Variants in F11R observed in about 807,000 individuals in gnomAD.
F11R encodes the protein F11 receptor.
In F11R, 27 loss-of-function variants were observed where a neutral mutation model predicts 39.3. The ratio of observed to expected loss-of-function variants is 0.69; its 90% CI spans 0.51 to 0.95. The LOEUF (loss-of-function observed/expected upper bound fraction) is 0.95. F11R is among the 40% of genes least tolerant of loss of function. F11R has a pLI of 0.00. For synonymous variants in F11R, 131 were observed against 144.9 expected (o/e 0.90, Z 0.69); for missense variants, 335 against 372.7 (o/e 0.90, Z 0.83).
rs774316463 is a variant in F11R at position 161,001,344 on chromosome 1, G to A, written c.74C>T (p.Ala25Val). The A allele has an allele frequency of 6.2e-7, 1 of 1,613,768 alleles. No homozygotes were observed. The highest frequency in any genetic ancestry group is 1.7e-5 in the Admixed American group (1 of 59,990). Reference protein sequence around the residue: ...FILAILLCSLALGSVTVHSSE... With the variant: ...FILAILLCSLVLGSVTVHSSE... ...AGAGTGCACTGTAACACTGCCCAAT[G>A]CCAGGGAGCCTAAGGAGAAAGAAAG... is the stretch of plus-strand genomic sequence containing the variant. The change falls in exon 2 of 10, where the codon GCA (alanine) becomes GTA (valine). Residue 25 changes from alanine to valine, a missense_variant. Coordinates refer to ENST00000368026, the MANE Select transcript of F11R (RefSeq NM_016946.6).
intron 1 of F11R, among the ~76,000 whole-genome samples, chr1:161,014,078 G>A (rs1262493535): frequency 6.6e-6 from 1 of 152,176 alleles, no homozygotes; most frequent in Non-Finnish European, 1.5e-5. Context: ...CTCACAGTAT[G>A]TGTTCACTCA....
rs934419546 is a variant in F11R, at chr1:161,009,705, C to G, written c.65-8352G>C. On this transcript the variant is annotated intron_variant, in intron 1 of 9. Transcript: ENST00000368026. ...CCCATGGGCCGGGTGCGGTGGCTCACGCCTATAATCCCAGCACTTTGGGAG... is the reference window on the plus strand; with the variant it reads ...CCCATGGGCCGGGTGCGGTGGCTCAGGCCTATAATCCCAGCACTTTGGGAG... Among the ~76,000 whole-genome samples, 3 of 151,978 alleles carry G rather than the reference C, an allele frequency of 2.0e-5. No individual in the cohort carries two copies. The South Asian group carries it at 6.2e-4, about 32-fold the overall frequency.
In F11R at chr1:160,997,985, TG is replaced by T. The variant is rs1412962131; in HGVS notation, c.*885del. On this transcript the variant is annotated 3_prime_UTR_variant, in exon 10 of 10. Transcript: ENST00000368026. ...CTTTTCTTTCTTTTTTTTTTTGAGCTGGAGTTTTGCTCTTGTTGCCAGGCTC... is the reference window on the plus strand; with the variant it reads ...CTTTTCTTTCTTTTTTTTTTTGAGCTGAGTTTTGCTCTTGTTGCCAGGCTC... The T allele has an allele frequency of 6.6e-6, 1 of 151,424 alleles. No individual in the cohort carries two copies. The highest frequency in any genetic ancestry group is 1.9e-4 in the East Asian group (1 of 5,252). The allele number at this position is 151,424 out of a possible 1,614,324, so 9.4% of individuals were successfully genotyped here. A position where few individuals can be genotyped will look rare whatever the true frequency, so the allele number is the denominator to read the frequency against.
chr1:161,000,784 CA>C lies in F11R; in HGVS notation c.242-8del. On this transcript the variant is annotated splice_polypyrimidine_tract_variant and splice_region_variant and intron_variant, in intron 3 of 9. Transcript: ENST00000368026. ...ACCCGGTCCTCATAGGAAGCTACCACAAGAGGAGGCAAGAGCAAGGACAGAG... is the reference window on the plus strand; with the variant it reads ...ACCCGGTCCTCATAGGAAGCTACCACAGAGGAGGCAAGAGCAAGGACAGAG... The C allele has an allele frequency of 6.2e-7, 1 of 1,614,088 alleles. No individual in the cohort carries two copies. The highest frequency in any genetic ancestry group is 8.5e-7 in the Non-Finnish European group (1 of 1,179,990).
intron 1 of F11R, among the ~76,000 whole-genome samples, chr1:161,002,038 G>A (rs1360993640): frequency 6.6e-6 from 1 of 151,996 alleles, no homozygotes; most frequent in Non-Finnish European, 1.5e-5. Flanking sequence ...GGCCGAGGTG[G>A]GGAGGTCATG....
At chr1:161,020,545 A>G (rs1649701872) in intron 1 of F11R, among the ~76,000 whole-genome samples, 1 of 152,206 alleles carries the variant, frequency 6.6e-6, no homozygotes. Flanking sequence ...TCCACCCCAG[A>G]CCACCTCCAT....
intron 1 of F11R, among the ~76,000 whole-genome samples, chr1:161,006,861 C>T (rs894902793): frequency 1.3e-5 from 2 of 152,210 alleles, no homozygotes; most frequent in African/African-American, 2.4e-5. Flanking sequence ...ACCAGACTGC[C>T]TGCGTTCAAA....
chr1:161,000,295 G>A lies in F11R; in HGVS notation c.442C>T (p.Arg148Trp), dbSNP rs200461325. 99 of 1,614,024 alleles carry A rather than the reference G, an allele frequency of 6.1e-5. No individual in the cohort carries two copies. Among genetic ancestry groups the A allele is most frequent in the Non-Finnish European group, 7.9e-5 (93 of 1,180,038 alleles). Reference protein sequence around the residue: ...NIPSSATIGNRAVLTCSEQDG... With the variant: ...NIPSSATIGNWAVLTCSEQDG... ...TGTTCTGAGCATGTCAGCACTGCCCGGTTCCCAATGGTGGCAGAGGAGGGG... is the reference window on the plus strand; with the variant it reads ...TGTTCTGAGCATGTCAGCACTGCCCAGTTCCCAATGGTGGCAGAGGAGGGG... Residue 148 changes from arginine to tryptophan, a missense_variant, in exon 5 of 10, where the codon CGG (arginine) becomes TGG (tryptophan). Arg to Trp is a moderately radical substitution (Grantham distance 101). Coordinates refer to ENST00000368026, the MANE Select transcript of F11R (RefSeq NM_016946.6).
chr1:160,996,148 G>A lies in F11R; in HGVS notation c.*2723C>T, dbSNP rs1648104088. ...ATATTTTGAATGTCCAATCACTCTA[G>A]GAGTCCCAATTCTCTTAAGGTAAGA... is the stretch of plus-strand genomic sequence containing the variant. On this transcript the variant is annotated 3_prime_UTR_variant, in exon 10 of 10. Transcript: ENST00000368026. The A allele has an allele frequency of 6.6e-6, 1 of 152,210 alleles. No homozygotes were observed. Among genetic ancestry groups the A allele is most frequent in the Non-Finnish European group, 1.5e-5 (1 of 67,986 alleles). 9.4% of individuals were successfully genotyped at this position (152,210 alleles called of 1,614,324 possible).
intron 1 of F11R, among the ~76,000 whole-genome samples, chr1:161,012,817 G>T (rs957790419): frequency 2.0e-5 from 3 of 151,666 alleles, no homozygotes; most frequent in Non-Finnish European, 2.9e-5. Flanking sequence ...TAGAAACAGG[G>T]TTTCACCATG....
chr1:161,010,889 G>C (rs1649114097), intron 1 of F11R, among the ~76,000 whole-genome samples: 1 of 148,778 alleles, frequency 6.7e-6, no homozygotes, highest in Non-Finnish European at 1.5e-5. Flanking sequence ...GTAGGCTGAG[G>C]CTTGAACCTG....
At chr1:161,000,968 A>G in intron 3 of F11R, 52 bp downstream of exon 3, 3 of 1,546,272 alleles carry the variant, frequency 1.9e-6, no homozygotes, top group South Asian at 2.2e-5. Context: ...GAATCCAGGC[A>G]TGATAATCCC....
intron 1 of F11R, among the ~76,000 whole-genome samples, chr1:161,007,360 G>A (rs1348782988): frequency 6.6e-6 from 1 of 151,612 alleles, no homozygotes; most frequent in Non-Finnish European, 1.5e-5. Flanking sequence ...AGCTACTCAG[G>A]AGGCTGAGGC....
chr1:161,010,447 A>AAAAAAAAC lies in F11R; in HGVS notation c.65-9095_65-9094insGTTTTTTT, dbSNP rs892055398. Among the ~76,000 whole-genome samples, 13 of 151,194 alleles carry AAAAAAAAC rather than the reference A, an allele frequency of 8.6e-5. 1 individual carries two copies. In the East Asian group the frequency reaches 2.3e-3, roughly 27 times the overall value. On this transcript the variant is annotated intron_variant, in intron 1 of 9. Transcript: ENST00000368026. The stretch of plus-strand genomic sequence containing the variant: ...TGACAGAGCGAGACTCCATCAAAAA[A>AAAAAAAAC]AAAAAAAAAACAGTTGATCCAAACC...
chr1:160,995,698 G>C lies in F11R; in HGVS notation c.*3173C>G, dbSNP rs981617969. 126 of 152,284 alleles carry C rather than the reference G, an allele frequency of 8.3e-4. No individual in the cohort carries two copies. Among genetic ancestry groups the C allele is most frequent in the African/African-American group, 3.0e-3 (124 of 41,504 alleles). The allele number at this position is 152,284 out of a possible 1,614,324, so 9.4% of individuals were successfully genotyped here. ...ACCCAGGAGGTGGAGGTTGCAGTGAGCCAAGGTTGTACCATTGCACTCCAG... is the reference window on the plus strand; with the variant it reads ...ACCCAGGAGGTGGAGGTTGCAGTGACCCAAGGTTGTACCATTGCACTCCAG... On this transcript the variant is annotated 3_prime_UTR_variant, in exon 10 of 10. Transcript: ENST00000368026.
At chr1:161,004,272 G>C (rs1329944518) in intron 1 of F11R, among the ~76,000 whole-genome samples, 1 of 152,042 alleles carries the variant, frequency 6.6e-6, no homozygotes, top group East Asian at 1.9e-4. Context: ...AAAAAAGAAG[G>C]GTATAGGCTG....
At chr1:161,011,158 C>A (rs12758348) in intron 1 of F11R, among the ~76,000 whole-genome samples, 141,223 of 151,334 alleles carry the variant, frequency 0.93, 66,024 homozygotes, top group African/African-American at 0.98. Context: ...TCAGCCTCTC[C>A]AGTAGCTGGG....
chr1:160,999,060 G>C lies in F11R; in HGVS notation c.847C>G (p.Pro283Ala). ...ATACTCACTTCACTTCGGGCACTAGGCTGGCTGTAAATCACCTTCTTACTC... is the reference window on the plus strand; with the variant it reads ...ATACTCACTTCACTTCGGGCACTAGCCTGGCTGTAAATCACCTTCTTACTC... ...TSSKKVIYSQ[P>A]SARSEGEFKQ... The change falls in exon 9 of 10, where the codon CCT (proline) becomes GCT (alanine). Residue 283 changes from proline to alanine, a missense_variant. Transcript: ENST00000368026. 6.2e-7 allele frequency: 1 copy of C among 1,614,258 alleles called. No individual in the cohort carries two copies. Among genetic ancestry groups the C allele is most frequent in the Non-Finnish European group, 8.5e-7 (1 of 1,180,038 alleles).
At chr1:160,999,375 C>T (rs777069586) in intron 8 of F11R, 21 bp downstream of exon 8, 1 of 1,614,052 alleles carries the variant, frequency 6.2e-7, no homozygotes, top group African/African-American at 1.3e-5. Context: ...TTGGAGAACC[C>T]CAGGACAGCA....
Sources: gnomAD v4.1 joint callset for allele counts (sites outside exome capture counted in the v4.1 genomes callset) on GRCh38, gnomAD v4.1.1 for gene constraint, MANE v1.5 for transcripts, NCBI Gene and HGNC (gene_info 2026-07-23, HGNC 2026-07-21) for gene names.